GRK3: variants seen among roughly 807,000 people sequenced by gnomAD.
GRK3 encodes the protein G protein-coupled receptor kinase 3, also known as adrenergic, beta, receptor kinase 2.
In GRK3, 54 loss-of-function variants were observed where a neutral mutation model predicts 95.7. The observed-to-expected ratio is 0.56, with a 90% CI of 0.45 to 0.71. The LOEUF (loss-of-function observed/expected upper bound fraction) is 0.71. Ranked by LOEUF, GRK3 falls within the 30% of genes least tolerant of loss-of-function variation. The probability of loss-of-function intolerance (pLI) is 0.00; values close to 1 mark genes in which losing one functional copy is unlikely to be tolerated. For synonymous variants in GRK3, 281 were observed against 290.8 expected, an observed-to-expected ratio of 0.97 and a Z score of 0.34; for missense variants, 649 against 851.2, an observed-to-expected ratio of 0.76 and a Z score of 2.96.
At chr22:25,706,900 C>A (rs1029922756) in intron 15 of GRK3, among the ~76,000 whole-genome samples, 3 of 152,190 alleles carry the variant, frequency 2.0e-5, no homozygotes, top group Non-Finnish European at 4.4e-5. Flanking sequence ...ATAGCTCACT[C>A]CAGCTCCAAA....
At chr22:25,586,490 C>T (rs1932312251) in intron 1 of GRK3, among the ~76,000 whole-genome samples, 1 of 152,294 alleles carries the variant, frequency 6.6e-6, no homozygotes. Context: ...AATATATCTA[C>T]CTACTGTGTA....
At chr22:25,587,133 C>A (rs1932340263) in intron 1 of GRK3, among the ~76,000 whole-genome samples, 2 of 152,118 alleles carry the variant, frequency 1.3e-5, no homozygotes, top group Non-Finnish European at 2.9e-5. Flanking sequence ...TCAGGTGATC[C>A]CCCTGCCTCA....
At chr22:25,673,525 C>T (rs1210100692) in intron 7 of GRK3, among the ~76,000 whole-genome samples, 1 of 151,532 alleles carries the variant, frequency 6.6e-6, no homozygotes, top group Non-Finnish European at 1.5e-5. Context: ...TATATCTGCT[C>T]TGGGTCTTTC....
intron 7 of GRK3, among the ~76,000 whole-genome samples, chr22:25,673,158 T>A (rs2084998350): frequency 6.7e-6 from 1 of 150,196 alleles, no homozygotes. Flanking sequence ...GCCTCCCGGG[T>A]TCACACCATT....
Position 25,600,072 on chromosome 22 carries a change from G to A in GRK3, c.114-4305G>A, listed in dbSNP as rs971237122. ...CAATTAAAAGAGATCATCAGGTAGG[G>A]TGAAAAAGCAAGATCCAGCTATACA... On this transcript the variant is annotated intron_variant, in intron 1 of 20. Coordinates refer to ENST00000324198, the MANE Select transcript of GRK3 (RefSeq NM_005160.4). Among the ~76,000 whole-genome samples the A allele has an allele frequency of 2.0e-5, 3 of 151,470 alleles. 1 individual carries two copies. The highest frequency in any genetic ancestry group is 4.4e-5 in the Non-Finnish European group (3 of 67,990).
At chr22:25,588,623 A>G (rs116788198) in intron 1 of GRK3, among the ~76,000 whole-genome samples, 2,916 of 152,228 alleles carry the variant, frequency 0.019, 94 homozygotes, top group African/African-American at 0.066. Context: ...GTTTGTGGAA[A>G]ATACTTAGTA....
rs1254245659 is a variant in GRK3 at position 25,723,031 on chromosome 22, C to T, written c.*581C>T. On this transcript the variant is annotated 3_prime_UTR_variant, in exon 21 of 21. Transcript: ENST00000324198. ...CCGCACCCACATGACTGCCCTGCCT[C>T]TGACCAGTCTGTTCCGGGGCCCCCT... 1 of 152,488 alleles carries T rather than the reference C, an allele frequency of 6.6e-6. No homozygotes were observed. The highest frequency in any genetic ancestry group is 1.5e-5 in the Non-Finnish European group (1 of 68,264). The allele number at this position is 152,488 out of a possible 1,614,324, so 9.4% of individuals were successfully genotyped here.
chr22:25,589,101 T>C (rs1004268916), intron 1 of GRK3, among the ~76,000 whole-genome samples: 21 of 152,358 alleles, frequency 1.4e-4, no homozygotes, highest in Non-Finnish European at 2.2e-4. Context: ...TTTTACAAAC[T>C]TGTTCAACCT....
chr22:25,688,194 C>T (rs2146435433), intron 11 of GRK3, among the ~76,000 whole-genome samples: 1 of 148,922 alleles, frequency 6.7e-6, no homozygotes, highest in South Asian at 2.1e-4. Flanking sequence ...TGAGATTGCA[C>T]CACTGCACTC....
At chr22:25,686,829 G>T (rs1199571041) in intron 10 of GRK3, among the ~76,000 whole-genome samples, 1 of 152,144 alleles carries the variant, frequency 6.6e-6, no homozygotes, top group Non-Finnish European at 1.5e-5. Flanking sequence ...TCAGTTTGTT[G>T]TTGTTGTCTT....
At chr22:25,635,111 T>A (rs2067680437) in intron 2 of GRK3, among the ~76,000 whole-genome samples, 1 of 151,898 alleles carries the variant, frequency 6.6e-6, no homozygotes, top group South Asian at 2.1e-4. Context: ...CTTAAAACAT[T>A]GAGATGTATT....
chr22:25,648,664 G>T, intron 3 of GRK3: 3 of 1,023,676 alleles, frequency 2.9e-6, no homozygotes, highest in Admixed American at 1.7e-5. Flanking sequence ...ATGTCAAAAG[G>T]AAGCTTATTC....
At chr22:25,720,761 C>T (rs1173009665) in intron 19 of GRK3, among the ~76,000 whole-genome samples, 1 of 152,106 alleles carries the variant, frequency 6.6e-6, no homozygotes, top group Non-Finnish European at 1.5e-5. Flanking sequence ...AGGCATGAGC[C>T]ACCGCGCCCA....
intron 2 of GRK3, among the ~76,000 whole-genome samples, chr22:25,612,450 C>G (rs2084505497): frequency 6.6e-6 from 1 of 151,786 alleles, no homozygotes; most frequent in Admixed American, 6.6e-5. Flanking sequence ...TTGTAGTGAT[C>G]TTGTATCCAG....
At chr22:25,647,656 A>C in intron 3 of GRK3, 1 of 1,421,820 alleles carries the variant, frequency 7.0e-7, no homozygotes, top group Middle Eastern at 1.8e-4. Flanking sequence ...GTGGGAAGCA[A>C]GATCAATCAC....
intron 13 of GRK3, among the ~76,000 whole-genome samples, chr22:25,701,444 A>G (rs1447994812): frequency 6.6e-6 from 1 of 152,264 alleles, no homozygotes; most frequent in Non-Finnish European, 1.5e-5. Flanking sequence ...CATAGACTTG[A>G]ATAGCTGAAG....
At chr22:25,648,648 G>A in intron 3 of GRK3, 1 of 1,012,550 alleles carries the variant, frequency 9.9e-7, no homozygotes, top group Non-Finnish European at 1.6e-6. Flanking sequence ...CATTGTCACT[G>A]AATTGATGTC....
At chr22:25,681,970 G>A (rs1281089446) in intron 9 of GRK3, among the ~76,000 whole-genome samples, 1 of 152,040 alleles carries the variant, frequency 6.6e-6, no homozygotes, top group Non-Finnish European at 1.5e-5. Context: ...TTGTGTCCTG[G>A]ACTCCACATG....
intron 3 of GRK3, among the ~76,000 whole-genome samples, chr22:25,658,265 G>A (rs562061481): frequency 5.9e-5 from 9 of 152,262 alleles, no homozygotes; most frequent in Admixed American, 5.2e-4. Context: ...TCTTGAACAT[G>A]TGATTGATAC....
Sources: allele counts gnomAD v4.1 joint callset (sites outside exome capture counted in the v4.1 genomes callset), GRCh38; gene constraint gnomAD v4.1.1; transcripts MANE v1.5; gene names NCBI Gene and HGNC (gene_info 2026-07-23, HGNC 2026-07-21).